ARHGAP32: variants seen among roughly 807,000 people sequenced by gnomAD.
ARHGAP32 encodes Rho GTPase activating protein 32.
Under a neutral mutation model 186.5 loss-of-function variants are expected in ARHGAP32, and 51 were observed. That is an observed-to-expected ratio of 0.27 (90% CI 0.22 to 0.35). ARHGAP32 has a LOEUF of 0.35. Among genes scored for constraint, ARHGAP32 ranks in the 10% least tolerant of loss-of-function variants. ARHGAP32 has a pLI of 1.00. For synonymous variants in ARHGAP32, 950 were observed against 964.3 expected (o/e 0.99, Z 0.27); for missense variants, 2,186 against 2,623.5 (o/e 0.83, Z 3.64).
intron 1 of ARHGAP32, among the ~76,000 whole-genome samples, chr11:129,217,963 A>G (rs988735344): frequency 9.9e-5 from 15 of 152,160 alleles, no homozygotes; most frequent in Non-Finnish European, 1.8e-4. Flanking sequence ...ACAAACTGAG[A>G]AGGACACTGG....
chr11:129,043,536 G>A lies in ARHGAP32; in HGVS notation c.964-2527C>T, dbSNP rs187487369. Among the ~76,000 whole-genome samples, 250 of 151,812 alleles carry A rather than the reference G, an allele frequency of 1.6e-3. 3 individuals carry two copies. Among genetic ancestry groups the A allele is most frequent in the South Asian group, 0.016 (78 of 4,788 alleles). ...CAAGTAACTGGGATTATACGCGTGC[G>A]CCACCATGCCCGGCTAATTTTTTGC... On this transcript the variant is annotated intron_variant, in intron 10 of 22. Coordinates refer to ENST00000682385, the MANE Select transcript of ARHGAP32 (RefSeq NM_001378024.1).
chr11:129,278,733 C>T (rs987890164), intron 1 of ARHGAP32, among the ~76,000 whole-genome samples: 13 of 151,820 alleles, frequency 8.6e-5, no homozygotes, highest in Admixed American at 2.6e-4. Flanking sequence ...CCCGCGATGT[C>T]GCCCGCGGGC....
Position 128,966,543 on chromosome 11 carries a change from T to C in ARHGAP32, c.*2364A>G, listed in dbSNP as rs915129198. ...GTAACAGTAATTGCAATCATCATTC[T>C]GTATTCAAATATTTACCTGATATTT... On this transcript the variant is annotated 3_prime_UTR_variant, in exon 23 of 23. Transcript: ENST00000682385. 8 of 152,254 alleles carry C rather than the reference T, an allele frequency of 5.3e-5. No homozygotes were observed. Among genetic ancestry groups the C allele is most frequent in the African/African-American group, 1.7e-4 (7 of 41,470 alleles). The allele number at this position is 152,254 out of a possible 1,614,324, so 9.4% of individuals were successfully genotyped here.
chr11:129,142,887 TTA>T (rs935374566), intron 2 of ARHGAP32, among the ~76,000 whole-genome samples: 2 of 151,786 alleles, frequency 1.3e-5, no homozygotes, highest in African/African-American at 4.8e-5. Flanking sequence ...ATTTATTGTA[TTA>T]TCTTTATCAT....
At chr11:129,004,942 T>C (rs1591523946) in intron 11 of ARHGAP32, among the ~76,000 whole-genome samples, 1 of 152,244 alleles carries the variant, frequency 6.6e-6, no homozygotes, top group Middle Eastern at 3.4e-3. Flanking sequence ...TGGTCTTCTT[T>C]TCCTTCTTTC....
At chr11:129,010,466 T>C (rs1373109031) in intron 11 of ARHGAP32, among the ~76,000 whole-genome samples, 1 of 152,208 alleles carries the variant, frequency 6.6e-6, no homozygotes, top group African/African-American at 2.4e-5. Flanking sequence ...AATTGATTTT[T>C]GTATAAGGTG....
chr11:129,024,226 A>C, intron 11 of ARHGAP32: 42 of 960,164 alleles, frequency 4.4e-5, no homozygotes, highest in Admixed American at 6.2e-5. Flanking sequence ...GCCTAAACTC[A>C]CACTTGCAGA....
At chr11:129,227,019 T>C (rs1944793842) in intron 1 of ARHGAP32, among the ~76,000 whole-genome samples, 2 of 152,102 alleles carry the variant, frequency 1.3e-5, no homozygotes, top group Admixed American at 6.6e-5. Flanking sequence ...TTTCTTCTTC[T>C]ACCTAATTTA....
intron 1 of ARHGAP32, among the ~76,000 whole-genome samples, chr11:129,255,149 G>A (rs1446814812): frequency 1.3e-5 from 2 of 152,094 alleles, no homozygotes; most frequent in African/African-American, 4.8e-5. Context: ...GTGTCATAAA[G>A]TTATAATAAT....
At chr11:129,001,164 T>C (rs1946349412) in intron 11 of ARHGAP32, among the ~76,000 whole-genome samples, 1 of 152,190 alleles carries the variant, frequency 6.6e-6, no homozygotes, top group African/African-American at 2.4e-5. Context: ...GACTGCTGTA[T>C]TGTATAGTAG....
chr11:129,274,490 A>C (rs1945508579), intron 1 of ARHGAP32, among the ~76,000 whole-genome samples: 1 of 151,676 alleles, frequency 6.6e-6, no homozygotes. Context: ...GGATCATCTC[A>C]CTTCACTGAA....
chr11:129,235,458 T>C (rs1215445679), intron 1 of ARHGAP32, among the ~76,000 whole-genome samples: 4 of 152,264 alleles, frequency 2.6e-5, no homozygotes, highest in South Asian at 2.1e-4. Flanking sequence ...GTAGCAAAAG[T>C]AAGTTTGCAC....
In ARHGAP32 at chr11:128,971,040, A is replaced by G. The variant is rs141250792; in HGVS notation, c.4173T>C (p.Ala1391=). ...AAAAQCPMAT[A]VQPGLPEKVR... ...CTTTCTCAGGCAGGCCTGGCTGGAC[A>G]GCTGTAGCCATGGGACACTGAGCAG... The change falls in exon 23 of 23, where the codon GCT becomes GCC. Residue 1391 remains alanine, a synonymous_variant. Transcript: ENST00000682385. 3.1e-6 allele frequency: 5 copies of G among 1,613,976 alleles called. No individual in the cohort carries two copies. The Admixed American group carries it at 8.3e-5, about 27-fold the overall frequency.
chr11:129,254,328 C>A (rs1162267270), intron 1 of ARHGAP32, among the ~76,000 whole-genome samples: 1 of 152,024 alleles, frequency 6.6e-6, no homozygotes, highest in Non-Finnish European at 1.5e-5. Flanking sequence ...TATTTGATGA[C>A]ATGTCATATG....
intron 1 of ARHGAP32, among the ~76,000 whole-genome samples, chr11:129,181,566 A>T (rs1400030638): frequency 6.6e-6 from 1 of 152,164 alleles, no homozygotes; most frequent in Non-Finnish European, 1.5e-5. Context: ...AAAATACAGG[A>T]ACTCTGTTCT....
intron 12 of ARHGAP32, among the ~76,000 whole-genome samples, chr11:128,997,339 T>C (rs947875665): frequency 6.6e-6 from 1 of 152,232 alleles, no homozygotes; most frequent in African/African-American, 2.4e-5. Flanking sequence ...CAGTTTGCAT[T>C]AAATTCCTAA....
chr11:129,092,047 T>C (rs184950435), intron 6 of ARHGAP32, among the ~76,000 whole-genome samples: 1 of 152,142 alleles, frequency 6.6e-6, no homozygotes, highest in East Asian at 1.9e-4. Flanking sequence ...TAACAAATGG[T>C]ATACCAAGTA....
intron 6 of ARHGAP32, among the ~76,000 whole-genome samples, chr11:129,088,598 AAAAT>A (rs1334099871): frequency 6.6e-6 from 1 of 152,168 alleles, no homozygotes; most frequent in African/African-American, 2.4e-5. Flanking sequence ...ATCAATCAAT[AAAAT>A]AGAGCCTTGA....
intron 12 of ARHGAP32, 31 bp downstream of exon 12, chr11:128,998,288 C>CA (rs1341498385): frequency 4.0e-6 from 6 of 1,484,204 alleles, no homozygotes; most frequent in South Asian, 1.5e-5. Flanking sequence ...GTCAGAAACT[C>CA]AGAGTATAAG....
Sources: gnomAD v4.1 joint callset for allele counts (sites outside exome capture counted in the v4.1 genomes callset) on GRCh38, gnomAD v4.1.1 for gene constraint, MANE v1.5 for transcripts, NCBI Gene and HGNC (gene_info 2026-07-23, HGNC 2026-07-21) for gene names.